The following DBN1 variants were observed in gnomAD, a reference collection of about 807,000 sequenced individuals.
The protein encoded by DBN1 is drebrin.
Under a neutral mutation model 83.5 loss-of-function variants are expected in DBN1, and 21 were observed. That is an observed-to-expected ratio of 0.25 (90% CI 0.18 to 0.36). The LOEUF (loss-of-function observed/expected upper bound fraction) is 0.36. DBN1 is among the 10% of genes least tolerant of loss of function. The probability of loss-of-function intolerance (pLI) is 1.00; values close to 1 mark genes in which losing one functional copy is unlikely to be tolerated. For missense variants in DBN1, 874 were observed against 935.7 expected (o/e 0.93, Z 0.86); for synonymous variants, 381 against 384.9 (o/e 0.99, Z 0.12).
rs1757526392 is a variant in DBN1 at position 177,467,449 on chromosome 5, G to A, written c.477+32C>T. On this transcript the variant is annotated intron_variant, in intron 5 of 14. Transcript: ENST00000393565. The surrounding 1 kb of genome is among the most constrained non-coding windows in gnomAD (Gnocchi z 9.1). ...CAGACTCGGGCACCAGGCCACGCAG[G>A]CAGAGCCCACGGGTGCCAAACACAC... 2 of 1,609,580 alleles carry A rather than the reference G, an allele frequency of 1.2e-6. No homozygotes were observed. The highest frequency in any genetic ancestry group is 1.7e-6 in the Non-Finnish European group (2 of 1,177,306).
rs377690366 is a variant in DBN1 at position 177,472,587 on chromosome 5, A to AC, written c.86+848dup. Among the ~76,000 whole-genome samples the AC allele has an allele frequency of 2.5e-3, 386 of 151,886 alleles. 2 individuals are homozygous for AC. The highest frequency in any genetic ancestry group is 9.0e-3 in the African/African-American group (371 of 41,404). Reference sequence around the variant, plus strand: ...CGGCCCAGCTCCTCCCCCATCAGGGACCGAGTGCCCCTTGCTGGGGGCCGG... The same window carrying AC: ...CGGCCCAGCTCCTCCCCCATCAGGGACCCGAGTGCCCCTTGCTGGGGGCCGG... On this transcript the variant is annotated intron_variant, in intron 1 of 14. Transcript: ENST00000393565.
rs200475259 is a variant in DBN1 at position 177,459,218 on chromosome 5, G to A, written c.1144C>T (p.Arg382Trp). 56 of 1,611,090 alleles carry A rather than the reference G, an allele frequency of 3.5e-5. No individual in the cohort carries two copies. Among genetic ancestry groups the A allele is most frequent in the Admixed American group, 2.0e-4 (12 of 59,610 alleles). ...RRMAPTPIPT[R>W]SPSDSSTAST... ...GCGGTGCTGGAGTCAGACGGGCTCC[G>A]CGTGGGGATGGGAGTGGGCGCCATC... Residue 382 changes from arginine (R) to tryptophan (W), a missense_variant, in exon 12 of 15, where the codon CGG (arginine) becomes TGG (tryptophan). Around this residue, in one of 4 missense-constraint regions of DBN1, gnomAD observed 725 missense variants for 719.7 expected, o/e 1.01. Coordinates refer to ENST00000393565, the MANE Select transcript of DBN1 (RefSeq NM_001363541.2).
At position 177,469,046 on chromosome 5, in the gene DBN1, G is replaced by A. The variant is rs1757665764; in HGVS notation, c.87-147C>T. On this transcript the variant is annotated intron_variant, in intron 1 of 14. Coordinates refer to ENST00000393565, the MANE Select transcript of DBN1 (RefSeq NM_001363541.2). ...GCTGTAGCCATGACAACAGGGCCAG[G>A]CATCGGTTCAGGCGGGAGCCCAGCA... The A allele has an allele frequency of 8.3e-6, 4 of 483,124 alleles. No homozygotes were observed. In the East Asian group the frequency reaches 1.3e-4, roughly 15 times the overall value. 29.9% of individuals were successfully genotyped at this position (483,124 alleles called of 1,614,324 possible). A position where few individuals can be genotyped will look rare whatever the true frequency, so the allele number is the denominator to read the frequency against.
intron 12 of DBN1, 27 bp from the exon 13 acceptor site, chr5:177,458,734 T>G: frequency 6.7e-7 from 1 of 1,481,982 alleles, no homozygotes; most frequent in South Asian, 1.4e-5. Context: ...AGAGGAGATA[T>G]GTAACCGGCT....
intron 8 of DBN1, among the ~76,000 whole-genome samples, chr5:177,463,477 C>G (rs1757192420): frequency 6.6e-6 from 1 of 152,190 alleles, no homozygotes; most frequent in Non-Finnish European, 1.5e-5. Flanking sequence ...CACGGGAGCT[C>G]CCCTGCAGGC....
At chr5:177,460,782 T>A in intron 8 of DBN1, 79 bp from the exon 9 acceptor site, 1 of 1,449,638 alleles carries the variant, frequency 6.9e-7, no homozygotes, top group Non-Finnish European at 9.4e-7. Flanking sequence ...GTATTTTATT[T>A]ATTGATTTTG....
rs1003855323 is a variant in DBN1, at chr5:177,456,698, A to C, written c.*735T>G. The C allele has an allele frequency of 3.8e-5, 5 of 131,498 alleles. No individual in the cohort carries two copies. Among genetic ancestry groups the C allele is most frequent in the African/African-American group, 1.1e-4 (4 of 37,918 alleles). The allele number at this position is 131,498 out of a possible 1,614,324, so 8.1% of individuals were successfully genotyped here. On this transcript the variant is annotated 3_prime_UTR_variant, in exon 15 of 15. Transcript: ENST00000393565. Reference sequence around the variant, plus strand: ...CAAAAAAAAAAAAAAAAAAAAAAAAAAAACAGTTACTAAACGTGAAAAAGG... The same window carrying C: ...CAAAAAAAAAAAAAAAAAAAAAAAACAAACAGTTACTAAACGTGAAAAAGG...
intron 8 of DBN1, among the ~76,000 whole-genome samples, chr5:177,462,069 C>T (rs944543241): frequency 4.6e-5 from 7 of 152,118 alleles, no homozygotes; most frequent in African/African-American, 1.7e-4. Flanking sequence ...CACCCGCTCA[C>T]CCCCGGCCCC....
chr5:177,472,604 G>A (rs1727499582), intron 1 of DBN1, among the ~76,000 whole-genome samples: 1 of 152,114 alleles, frequency 6.6e-6, no homozygotes, highest in South Asian at 2.1e-4. Flanking sequence ...GCCCCTTGCT[G>A]GGGGCCGGTG....
Position 177,466,997 on chromosome 5 carries a change from C to T in DBN1, c.621G>A (p.Glu207=), listed in dbSNP as rs775324344. The change falls in exon 7 of 15, where the codon GAG becomes GAA. Residue 207 remains glutamate, a synonymous_variant. Transcript: ENST00000393565. The surrounding 1 kb of genome is among the most constrained non-coding windows in gnomAD (Gnocchi z 4.8). ...KKALDERLRF[E]QERMEQERQE... ...GCCGCTCCTGCTCCATCCGCTCCTG[C>T]TCGAACCTGAGCCTCTCATCCAGGG... 2 of 1,613,672 alleles carry T rather than the reference C, an allele frequency of 1.2e-6. No homozygotes were observed. The highest frequency in any genetic ancestry group is 1.7e-6 in the Non-Finnish European group (2 of 1,179,936).
chr5:177,468,403 T>G, intron 2 of DBN1, 183 bp from the exon 3 acceptor site: 1 of 602,616 alleles, frequency 1.7e-6, no homozygotes. Flanking sequence ...CACAGGGATG[T>G]AGCTTTGCCT....
chr5:177,467,360 C>G lies in DBN1; in HGVS notation c.478-28G>C. ...GCAGTGTCGAAGGACCCAGCATAAGCAGGCTGAATGCCCCAGGAACCCCCG... is the reference window on the plus strand; with the variant it reads ...GCAGTGTCGAAGGACCCAGCATAAGGAGGCTGAATGCCCCAGGAACCCCCG... On this transcript the variant is annotated intron_variant, in intron 5 of 14. Transcript: ENST00000393565. This position sits in a 1 kb window ranked among gnomAD's most constrained non-coding sequence, Gnocchi z 9.1. The G allele has an allele frequency of 6.2e-7, 1 of 1,614,004 alleles. No homozygotes were observed. Among genetic ancestry groups the G allele is most frequent in the Non-Finnish European group, 8.5e-7 (1 of 1,179,892 alleles).
At chr5:177,465,308 T>C (rs1419328558) in intron 8 of DBN1, among the ~76,000 whole-genome samples, 1 of 152,232 alleles carries the variant, frequency 6.6e-6, no homozygotes, top group Non-Finnish European at 1.5e-5. Flanking sequence ...GACATCATGC[T>C]AAGTGAAATA....
intron 2 of DBN1, 137 bp from the exon 3 acceptor site, chr5:177,468,357 C>G (rs931883479): frequency 2.8e-6 from 2 of 703,754 alleles, no homozygotes; most frequent in African/African-American, 3.6e-5. Context: ...GTCTGTGGGT[C>G]CCAGTTTTGT....
intron 1 of DBN1, among the ~76,000 whole-genome samples, chr5:177,470,954 G>A (rs1561689961): frequency 6.6e-6 from 1 of 152,236 alleles, no homozygotes; most frequent in Non-Finnish European, 1.5e-5. Context: ...CCAGCTGTAA[G>A]CCTGGTGAAG....
At chr5:177,461,412 T>C (rs918808624) in intron 8 of DBN1, among the ~76,000 whole-genome samples, 1 of 152,188 alleles carries the variant, frequency 6.6e-6, no homozygotes, top group Non-Finnish European at 1.5e-5. Flanking sequence ...CTGGCCTTCT[T>C]ACAGCCCCCA....
At chr5:177,472,541 G>C in intron 1 of DBN1, 1 of 660,162 alleles carries the variant, frequency 1.5e-6, no homozygotes, top group Non-Finnish European at 2.1e-6. Context: ...GGAGACAACA[G>C]CTGGGGGGCG....
chr5:177,461,618 G>C lies in DBN1; in HGVS notation c.772-915C>G, dbSNP rs1011252621. Among the ~76,000 whole-genome samples the C allele has an allele frequency of 7.2e-5, 11 of 152,124 alleles. No homozygotes were observed. In the East Asian group the frequency reaches 1.2e-3, roughly 16 times the overall value. Reference sequence around the variant, plus strand: ...CAGGTGCCTAGGGCCCTCCAGAAGTGCTCCTTGTTTTGCAGATAACTTCTT... The same window carrying C: ...CAGGTGCCTAGGGCCCTCCAGAAGTCCTCCTTGTTTTGCAGATAACTTCTT... On this transcript the variant is annotated intron_variant, in intron 8 of 14. Coordinates refer to ENST00000393565, the MANE Select transcript of DBN1 (RefSeq NM_001363541.2).
At chr5:177,472,136 TTGTCTC>T in intron 1 of DBN1, 1 of 1,611,528 alleles carries the variant, frequency 6.2e-7, no homozygotes, top group African/African-American at 1.3e-5. Flanking sequence ...ACACGAGAGC[TTGTCTC>T]TCGCGTCCAT....
Sources: allele counts gnomAD v4.1 joint callset (sites outside exome capture counted in the v4.1 genomes callset), GRCh38; gene constraint gnomAD v4.1.1; regional missense constraint gnomAD v4.1.1; non-coding constraint Gnocchi (gnomAD v3.1); transcripts MANE v1.5; gene names NCBI Gene and HGNC (gene_info 2026-07-23, HGNC 2026-07-21).